QTRT1: variants seen among roughly 807,000 people sequenced by gnomAD.
QTRT1 encodes the protein queuine tRNA-ribosyltransferase catalytic subunit 1, also known as TGT, 43-KD subunit.
In QTRT1, 41 loss-of-function variants were observed where a neutral mutation model predicts 44.0. That is an observed-to-expected ratio of 0.93 (90% CI 0.73 to 1.21). The LOEUF (loss-of-function observed/expected upper bound fraction) is 1.21, where lower values mean the gene tolerates loss of function less well. Among genes scored for constraint, QTRT1 ranks in the 50% most tolerant of loss-of-function variants. The pLI is 0.00. For missense variants in QTRT1, 542 were observed against 575.8 expected (o/e 0.94, Z 0.60); for synonymous variants, 226 against 237.1 (o/e 0.95, Z 0.43).
chr19:10,711,420 C>T (rs1398504192), intron 5 of QTRT1: 1 of 152,172 alleles, frequency 6.6e-6, no homozygotes, highest in Non-Finnish European at 1.5e-5. Context: ...ATCTGCCTGC[C>T]TTGGCCTCCC....
chr19:10,702,139 G>A lies in QTRT1; in HGVS notation c.336G>A (p.Val112=), dbSNP rs375649062. ...AGGACAGCGGCGGTTTCCAGATGGT[G>A]TCGCTGGTGTCTCTGTCCGAGGTGA... is the stretch of plus-strand genomic sequence containing the variant. ...LLTDSGGFQM[V]SLVSLSEVTE... The change falls in exon 3 of 10, where the codon GTG becomes GTA. Residue 112 remains valine, a synonymous_variant. Transcript: ENST00000250237. 1.9e-6 allele frequency: 3 copies of A among 1,614,056 alleles called. No individual in the cohort carries two copies. The African/African-American group carries it at 4.0e-5, about 22-fold the overall frequency.
In QTRT1 at chr19:10,712,520, C is replaced by A; in HGVS notation, c.786-33C>A. 1 of 1,597,718 alleles carries A rather than the reference C, an allele frequency of 6.3e-7. No homozygotes were observed. The stretch of plus-strand genomic sequence containing the variant: ...GGGGCCCTGGGAAGCCCCTGAGGTT[C>A]TCTGCCCCCTCCCGTCATGGCTGCA... On this transcript the variant is annotated intron_variant, in intron 6 of 9. Coordinates refer to ENST00000250237, the MANE Select transcript of QTRT1 (RefSeq NM_031209.3). This position sits in a 1 kb window ranked among gnomAD's most constrained non-coding sequence, Gnocchi z 5.6.
In QTRT1 at chr19:10,702,176, G is replaced by T; in HGVS notation, c.373G>T (p.Val125Phe). ...TCTGTCCGAGGTGACGGAGGAGGGC[G>T]TCCGCTTCCGCTCCCCCTACGACGG... ...VSLSEVTEEG[V>F]RFRSPYDGNE... The change falls in exon 3 of 10, where the codon GTC becomes TTC. Residue 125 changes from valine (V) to phenylalanine (F), a missense_variant. Transcript: ENST00000250237. 1 of 1,614,062 alleles carries T rather than the reference G, an allele frequency of 6.2e-7. No homozygotes were observed. The highest frequency in any genetic ancestry group is 8.5e-7 in the Non-Finnish European group (1 of 1,180,004).
In QTRT1 at chr19:10,702,211, C is replaced by T; in HGVS notation, c.408C>T (p.Thr136=). 6.2e-7 allele frequency: 1 copy of T among 1,614,080 alleles called. No homozygotes were observed. The highest frequency in any genetic ancestry group is 1.1e-5 in the South Asian group (1 of 91,080). The change falls in exon 3 of 10, where the codon ACC becomes ACT. Residue 136 remains threonine (T), a synonymous_variant. Coordinates refer to ENST00000250237, the MANE Select transcript of QTRT1 (RefSeq NM_031209.3). ...GCTCCCCCTACGACGGCAATGAGAC[C>T]CTGCTGAGCCCGGAGAAATCCGTGC... ...RFRSPYDGNE[T]LLSPEKSVQI...
chr19:10,701,699 G>A lies in QTRT1; in HGVS notation c.239G>A (p.Arg80Lys), dbSNP rs779364075. The change falls in exon 1 of 10, where the codon AGG (arginine) becomes AAG (lysine). Residue 80 changes from arginine (R) to lysine (K), a missense_variant. Coordinates refer to ENST00000250237, the MANE Select transcript of QTRT1 (RefSeq NM_031209.3). Reference protein sequence around the residue: ...CLGNTYHLGLRPGPELIQKAN... With the variant: ...CLGNTYHLGLKPGPELIQKAN... ...GGCAATACCTACCATCTGGGTCTAAGGCCGGTGGGTGGGCTCTGCCCGCGC... is the reference window on the plus strand; with the variant it reads ...GGCAATACCTACCATCTGGGTCTAAAGCCGGTGGGTGGGCTCTGCCCGCGC... 2.0e-4 allele frequency: 315 copies of A among 1,577,058 alleles called. 1 individual carries two copies. The highest frequency in any genetic ancestry group is 4.0e-4 in the Admixed American group (22 of 54,336).
At position 10,702,190 on chromosome 19, in the gene QTRT1, C is replaced by G; in HGVS notation, c.387C>G (p.Ser129=). Residue 129 remains serine (S), a synonymous_variant, in exon 3 of 10, where the codon TCC becomes TCG. Coordinates refer to ENST00000250237, the MANE Select transcript of QTRT1 (RefSeq NM_031209.3). ...CGGAGGAGGGCGTCCGCTTCCGCTCCCCCTACGACGGCAATGAGACCCTGC... is the reference window on the plus strand; with the variant it reads ...CGGAGGAGGGCGTCCGCTTCCGCTCGCCCTACGACGGCAATGAGACCCTGC... ...EVTEEGVRFR[S]PYDGNETLLS... 1 of 1,614,122 alleles carries G rather than the reference C, an allele frequency of 6.2e-7. No individual in the cohort carries two copies. The highest frequency in any genetic ancestry group is 1.1e-5 in the South Asian group (1 of 91,082).
chr19:10,713,128 TG>T lies in QTRT1; in HGVS notation c.1071del (p.Met357IlefsTer78), dbSNP rs773888579. ...CTCCCCTCCCCGCAGCTGCAGCTCA[TG>T]AGCGCCGTCCGCACCAGCATCGTGG... is the stretch of plus-strand genomic sequence containing the variant. ...VHNIAYQLQLMSAVRTSIVEK... is the reference protein window; with the variant it reads ...VHNIAYQLQLXSAVRTSIVEK... On this transcript the variant is annotated frameshift_variant, in exon 10 of 10. Transcript: ENST00000250237. LOFTEE classifies it high-confidence loss of function. This position sits in a 1 kb window ranked among gnomAD's most constrained non-coding sequence, Gnocchi z 4.3. 1 of 1,609,504 alleles carries T rather than the reference TG, an allele frequency of 6.2e-7. No homozygotes were observed. Among genetic ancestry groups the T allele is most frequent in the Admixed American group, 1.7e-5 (1 of 59,950 alleles).
Position 10,702,236 on chromosome 19 carries a change from C to A in QTRT1, c.433C>A (p.Gln145Lys). 6.2e-7 allele frequency: 1 copy of A among 1,614,088 alleles called. No homozygotes were observed. The highest frequency in any genetic ancestry group is 8.5e-7 in the Non-Finnish European group (1 of 1,179,990). ...CCTGCTGAGCCCGGAGAAATCCGTG[C>A]AGATCCAGAATGCGCTGGGTGAGAG... is the stretch of plus-strand genomic sequence containing the variant. ...ETLLSPEKSV[Q>K]IQNALGSDII... The change falls in exon 3 of 10, where the codon CAG becomes AAG. Residue 145 changes from glutamine to lysine, a missense_variant. Coordinates refer to ENST00000250237, the MANE Select transcript of QTRT1 (RefSeq NM_031209.3).
chr19:10,702,241 C>A lies in QTRT1; in HGVS notation c.438C>A (p.Ile146=), dbSNP rs746958993. 1 of 1,614,034 alleles carries A rather than the reference C, an allele frequency of 6.2e-7. No individual in the cohort carries two copies. The highest frequency in any genetic ancestry group is 1.1e-5 in the South Asian group (1 of 91,082). Residue 146 remains isoleucine (I), a synonymous_variant, in exon 3 of 10, where the codon ATC becomes ATA. Coordinates refer to ENST00000250237, the MANE Select transcript of QTRT1 (RefSeq NM_031209.3). The part of the protein sequence containing the change: ...TLLSPEKSVQ[I]QNALGSDIIM... ...TGAGCCCGGAGAAATCCGTGCAGAT[C>A]CAGAATGCGCTGGGTGAGAGGACCC...
intron 3 of QTRT1, chr19:10,706,956 T>A (rs1029874334): frequency 3.4e-6 from 1 of 292,954 alleles, no homozygotes; most frequent in African/African-American, 2.2e-5. Context: ...GTGCTGGGAT[T>A]ACAGGCGTAG....
chr19:10,709,920 A>C (rs1309290504), intron 5 of QTRT1, among the ~76,000 whole-genome samples: 1 of 152,070 alleles, frequency 6.6e-6, no homozygotes, highest in Non-Finnish European at 1.5e-5. Flanking sequence ...CTGAGGCAGG[A>C]GAATCATTTG....
Position 10,712,827 on chromosome 19 carries a change from G to T in QTRT1, c.931G>T (p.Gly311Cys). The T allele has an allele frequency of 1.9e-6, 3 of 1,613,980 alleles. No individual in the cohort carries two copies. The highest frequency in any genetic ancestry group is 2.5e-6 in the Non-Finnish European group (3 of 1,180,000). Residue 311 changes from glycine to cysteine, a missense_variant, in exon 8 of 10, where the codon GGC (glycine) becomes TGC (cysteine). Gly to Cys is a radical substitution (Grantham distance 159). Transcript: ENST00000250237. The surrounding 1 kb of genome is among the most constrained non-coding windows in gnomAD (Gnocchi z 5.6). ...GAAGAAGGTGTTTGAGAAGGACTTCGGCCCCATAGACCCGGAGTGCACCTG... is the reference window on the plus strand; with the variant it reads ...GAAGAAGGTGTTTGAGAAGGACTTCTGCCCCATAGACCCGGAGTGCACCTG... ...LRKKVFEKDF[G>C]PIDPECTCPT...
chr19:10,712,063 C>G lies in QTRT1; in HGVS notation c.647-98C>G. On this transcript the variant is annotated intron_variant, in intron 5 of 9. Transcript: ENST00000250237. The surrounding 1 kb of genome is among the most constrained non-coding windows in gnomAD (Gnocchi z 5.6). Reference sequence around the variant, plus strand: ...TCTCTGTCTGTTTCTCTGACTCTCTCCCTGAGCGACTCTGGAAGTCTGGGC... The same window carrying G: ...TCTCTGTCTGTTTCTCTGACTCTCTGCCTGAGCGACTCTGGAAGTCTGGGC... 6.7e-7 allele frequency: 1 copy of G among 1,489,200 alleles called. No individual in the cohort carries two copies. The highest frequency in any genetic ancestry group is 9.3e-7 in the Non-Finnish European group (1 of 1,080,266). The allele number at this position is 1,489,200 out of a possible 1,614,324, so 92.2% of individuals were successfully genotyped here. A position where few individuals can be genotyped will look rare whatever the true frequency, so the allele number is the denominator to read the frequency against.
In QTRT1 at chr19:10,706,937, C is replaced by T. The variant is rs536275478; in HGVS notation, c.452-365C>T. ...ACCTCAGATGACCTGCCTGCCTCGG[C>T]GTCCCCAAGTGCTGGGATTACAGGC... On this transcript the variant is annotated intron_variant, in intron 3 of 9. Coordinates refer to ENST00000250237, the MANE Select transcript of QTRT1 (RefSeq NM_031209.3). The T allele has an allele frequency of 5.6e-4, 141 of 250,222 alleles. 1 individual carries two copies. Among genetic ancestry groups the T allele is most frequent in the Admixed American group, 2.0e-3 (39 of 19,790 alleles). 15.5% of individuals were successfully genotyped at this position (250,222 alleles called of 1,614,324 possible). A position where few individuals can be genotyped will look rare whatever the true frequency, so the allele number is the denominator to read the frequency against.
chr19:10,712,914 G>A lies in QTRT1; in HGVS notation c.972-39G>A, dbSNP rs2068745621. On this transcript the variant is annotated intron_variant, in intron 8 of 9. Transcript: ENST00000250237. This position sits in a 1 kb window ranked among gnomAD's most constrained non-coding sequence, Gnocchi z 5.6. ...GCTGGGGCAGGGCATGGAGGGGACA[G>A]GGCCTGGCCGTGCTGAGCTGTCCCC... 1 of 1,612,728 alleles carries A rather than the reference G, an allele frequency of 6.2e-7. No homozygotes were observed. The highest frequency in any genetic ancestry group is 1.7e-5 in the Admixed American group (1 of 59,994).
At chr19:10,707,260 T>C (rs781174412) in intron 3 of QTRT1, 42 bp from the exon 4 acceptor site, 6 of 1,601,656 alleles carry the variant, frequency 3.7e-6, no homozygotes, top group Non-Finnish European at 5.1e-6. Context: ...TCCCCAAGCA[T>C]TGCGGGCTTT....
At chr19:10,708,699 T>C (rs2068725451) in intron 5 of QTRT1, among the ~76,000 whole-genome samples, 1 of 151,558 alleles carries the variant, frequency 6.6e-6, no homozygotes, top group Non-Finnish European at 1.5e-5. Context: ...CTGTGTCCAG[T>C]TGGAGGATGC....
At position 10,705,420 on chromosome 19, in the gene QTRT1, G is replaced by A. The variant is rs944114708; in HGVS notation, c.452-1882G>A. ...CACCTGGCTAGTTTTTATATTTTTA[G>A]TAGAGACGGGGTTTCACCATGTTGG... On this transcript the variant is annotated intron_variant, in intron 3 of 9. Coordinates refer to ENST00000250237, the MANE Select transcript of QTRT1 (RefSeq NM_031209.3). 5.9e-5 allele frequency among the ~76,000 whole-genome samples: 9 copies of A among 151,302 alleles called. No individual in the cohort carries two copies. The East Asian group carries it at 1.6e-3, about 26-fold the overall frequency.
At chr19:10,704,628 C>T (rs1161601293) in intron 3 of QTRT1, among the ~76,000 whole-genome samples, 1 of 151,282 alleles carries the variant, frequency 6.6e-6, no homozygotes. Flanking sequence ...GCTCTTGTTG[C>T]CCAGGCTGGA....
Sources: gnomAD v4.1 joint callset for allele counts (sites outside exome capture counted in the v4.1 genomes callset) on GRCh38, gnomAD v4.1.1 for gene constraint, Gnocchi (gnomAD v3.1) non-coding constraint, MANE v1.5 for transcripts, NCBI Gene and HGNC (gene_info 2026-07-23, HGNC 2026-07-21) for gene names.